The following TMTC4 variants were observed in gnomAD, a reference collection of about 807,000 sequenced individuals.
TMTC4 encodes the protein transmembrane O-mannosyltransferase targeting cadherins 4.
A neutral mutation model predicts 86.0 loss-of-function variants in TMTC4; 65 were observed. The ratio of observed to expected loss-of-function variants is 0.76; its 90% confidence interval spans 0.62 to 0.93. The LOEUF (loss-of-function observed/expected upper bound fraction) is 0.93, where lower values mean the gene tolerates loss of function less well. Ranked by LOEUF, TMTC4 falls within the 40% of genes least tolerant of loss-of-function variation. The pLI is 0.00. For missense variants in TMTC4, 866 were observed against 948.1 expected, an observed-to-expected ratio of 0.91 and a Z score of 1.14; for synonymous variants, 379 against 382.5, an observed-to-expected ratio of 0.99 and a Z score of 0.11.
At chr13:100,656,910 A>G (rs1328186471) in intron 5 of TMTC4, among the ~76,000 whole-genome samples, 1 of 152,156 alleles carries the variant, frequency 6.6e-6, no homozygotes, top group Non-Finnish European at 1.5e-5. Context: ...TAAAATAAAT[A>G]CATGATGTAG....
At chr13:100,674,677 C>T (rs1183861215) in intron 1 of TMTC4, 67 bp downstream of exon 1, 4 of 983,114 alleles carry the variant, frequency 4.1e-6, no homozygotes, top group Non-Finnish European at 4.8e-6. Context: ...AACCCGCGCC[C>T]GCTCCGCGTC....
chr13:100,612,275 C>T, intron 17 of TMTC4, 123 bp downstream of exon 17: 1 of 736,362 alleles, frequency 1.4e-6, no homozygotes, highest in Non-Finnish European at 2.2e-6. Context: ...GGCCAAGCCA[C>T]ATTGGTGCAC....
intron 1 of TMTC4, chr13:100,674,318 C>A: frequency 1.0e-6 from 1 of 978,792 alleles, no homozygotes; most frequent in Non-Finnish European, 1.2e-6. Context: ...ATCGCCTGCG[C>A]CGCGGCCAGC....
At chr13:100,627,176 G>A (rs1443939788) in intron 12 of TMTC4, among the ~76,000 whole-genome samples, 1 of 152,176 alleles carries the variant, frequency 6.6e-6, no homozygotes, top group Non-Finnish European at 1.5e-5. Flanking sequence ...GCCTCGGTGT[G>A]GCTGGAGCAC....
intron 15 of TMTC4, among the ~76,000 whole-genome samples, chr13:100,615,396 C>A (rs184408780): frequency 3.9e-4 from 60 of 152,162 alleles, no homozygotes; most frequent in African/African-American, 1.3e-3. Context: ...CTGCCTCAGC[C>A]TCCCGAAGTG....
chr13:100,650,320 G>C (rs986296125), intron 6 of TMTC4, among the ~76,000 whole-genome samples: 3 of 152,168 alleles, frequency 2.0e-5, no homozygotes, highest in African/African-American at 7.2e-5. Context: ...GGGGGCACAG[G>C]GAAAAAAATG....
chr13:100,616,267 A>G (rs1278620297), intron 15 of TMTC4, among the ~76,000 whole-genome samples: 1 of 151,980 alleles, frequency 6.6e-6, no homozygotes, highest in Non-Finnish European at 1.5e-5. Context: ...GCAGTAGCAC[A>G]ATCTCGGCTC....
intron 3 of TMTC4, among the ~76,000 whole-genome samples, chr13:100,665,120 A>G (rs540666521): frequency 6.6e-6 from 1 of 152,240 alleles, no homozygotes; most frequent in African/African-American, 2.4e-5. Flanking sequence ...ATTAAAAAAA[A>G]CACTGTACCG....
chr13:100,645,030 T>C (rs1242943176), intron 6 of TMTC4, among the ~76,000 whole-genome samples: 1 of 152,176 alleles, frequency 6.6e-6, no homozygotes, highest in Non-Finnish European at 1.5e-5. Context: ...GCCAGTCTGG[T>C]CCTGAACTCC....
At chr13:100,665,882 C>T (rs945962) in intron 3 of TMTC4, 123,256 of 367,392 alleles carry the variant, frequency 0.34, 21,696 homozygotes, top group East Asian at 0.59. Flanking sequence ...ACACTGACCA[C>T]TCCCCAAGAG....
intron 6 of TMTC4, among the ~76,000 whole-genome samples, chr13:100,650,455 G>A (rs189125111): frequency 6.9e-4 from 105 of 152,306 alleles, no homozygotes; most frequent in Non-Finnish European, 1.3e-3. Flanking sequence ...TTCAGAAAAA[G>A]CATCACGTTG....
upstream of TMTC4, chr13:100,674,913 A>G (rs1161989287): frequency 1.0e-5 from 10 of 983,424 alleles, no homozygotes; most frequent in African/African-American, 1.1e-4. Flanking sequence ...CCCCAGCACC[A>G]GTCTCGGCCC....
intron 7 of TMTC4, among the ~76,000 whole-genome samples, chr13:100,639,261 T>C (rs1414048903): frequency 6.6e-6 from 1 of 152,184 alleles, no homozygotes; most frequent in Non-Finnish European, 1.5e-5. Flanking sequence ...CCAGAAATGC[T>C]GGGAGCCACT....
intron 17 of TMTC4, among the ~76,000 whole-genome samples, chr13:100,609,479 A>G (rs1041932851): frequency 1.1e-4 from 16 of 152,220 alleles, no homozygotes; most frequent in African/African-American, 3.9e-4. Context: ...CTACAGGGCC[A>G]TTGGAATTAG....
At chr13:100,634,209 T>C (rs1487981765) in intron 12 of TMTC4, among the ~76,000 whole-genome samples, 3 of 152,028 alleles carry the variant, frequency 2.0e-5, no homozygotes, top group Non-Finnish European at 4.4e-5. Context: ...GTTTGCTGAC[T>C]GAAACACTGT....
chr13:100,641,307 T>C (rs1315049843), intron 7 of TMTC4, among the ~76,000 whole-genome samples: 2 of 152,162 alleles, frequency 1.3e-5, no homozygotes, highest in African/African-American at 4.8e-5. Context: ...GGTCAAACAT[T>C]TGTGACCATG....
chr13:100,642,231 C>G lies in TMTC4; in HGVS notation c.721G>C (p.Glu241Gln). The change falls in exon 7 of 19, where the codon GAG (glutamate) becomes CAG (glutamine). Residue 241 changes from glutamate (E) to glutamine (Q), a missense_variant. Glu to Gln is a conservative substitution (Grantham distance 29). Transcript: ENST00000342624. Reference protein sequence around the residue: ...FLGAVAMLCKEQGITVLGLNA... With the variant: ...FLGAVAMLCKQQGITVLGLNA... ...CTCACCAGCACAGTGATCCCTTGCT[C>G]TTTGCACAGCATGGCCACTGCTCCC... is the stretch of plus-strand genomic sequence containing the variant. 6.2e-7 allele frequency: 1 copy of G among 1,614,218 alleles called. No individual in the cohort carries two copies. Among genetic ancestry groups the G allele is most frequent in the South Asian group, 1.1e-5 (1 of 91,088 alleles).
At chr13:100,615,013 C>T (rs1004822738) in intron 15 of TMTC4, 2 of 934,388 alleles carry the variant, frequency 2.1e-6, no homozygotes, top group Non-Finnish European at 2.6e-6. Flanking sequence ...TACTTTGTAA[C>T]TCCTTGGAAA....
At chr13:100,619,695 CAA>C (rs1302489139) in intron 15 of TMTC4, among the ~76,000 whole-genome samples, 2 of 152,152 alleles carry the variant, frequency 1.3e-5, no homozygotes, top group Non-Finnish European at 2.9e-5. Context: ...CTCAGAAACT[CAA>C]GTTACAATAT....
Sources: gnomAD v4.1 joint callset for allele counts (sites outside exome capture counted in the v4.1 genomes callset) on GRCh38, gnomAD v4.1.1 for gene constraint, MANE v1.5 for transcripts, NCBI Gene and HGNC (gene_info 2026-07-23, HGNC 2026-07-21) for gene names.